The following RFX4 variants were observed in gnomAD, a reference collection of about 807,000 sequenced individuals.
RFX4 encodes transcription factor RFX4.
A neutral mutation model predicts 95.0 loss-of-function variants in RFX4; 10 were observed. That is an observed-to-expected ratio of 0.11 (90% CI 0.06 to 0.18). The LOEUF (loss-of-function observed/expected upper bound fraction) is 0.18. RFX4 is among the 10% of genes least tolerant of loss of function. RFX4 has a pLI of 1.00. For synonymous variants in RFX4, 321 were observed against 340.7 expected, an observed-to-expected ratio of 0.94 and a Z score of 0.64; for missense variants, 640 against 922.0, an observed-to-expected ratio of 0.69 and a Z score of 3.96.
chr12:106,695,633 C>T (rs919913114), intron 7 of RFX4, among the ~76,000 whole-genome samples: 5 of 152,202 alleles, frequency 3.3e-5, no homozygotes, highest in East Asian at 3.8e-4. Context: ...CAGTCACACA[C>T]ACTTCATGTG....
intron 3 of RFX4, among the ~76,000 whole-genome samples, chr12:106,651,835 A>T (rs1408144937): frequency 6.6e-6 from 1 of 152,136 alleles, no homozygotes; most frequent in Non-Finnish European, 1.5e-5. Context: ...AGAAATCCAG[A>T]TTCTTATGTG....
chr12:106,684,186 G>C (rs1443664934), intron 5 of RFX4, among the ~76,000 whole-genome samples: 1 of 152,116 alleles, frequency 6.6e-6, no homozygotes, highest in East Asian at 1.9e-4. Context: ...GGCCAACATG[G>C]TGAAACCCCA....
At chr12:106,683,281 T>C (rs1197296156) in intron 5 of RFX4, 2 of 151,726 alleles carry the variant, frequency 1.3e-5, no homozygotes, top group Admixed American at 6.6e-5. Context: ...GGAGCCAAGG[T>C]AGGGAAAGAA....
intron 13 of RFX4, among the ~76,000 whole-genome samples, chr12:106,727,587 G>A (rs2042526486): frequency 6.6e-6 from 1 of 150,938 alleles, no homozygotes; most frequent in Non-Finnish European, 1.5e-5. Context: ...CAAACTAATA[G>A]AACCAATGAG....
rs943957649 is a variant in RFX4, at chr12:106,586,257, G to C, written c.43+2894G>C. 6.6e-6 allele frequency among the ~76,000 whole-genome samples: 1 copy of C among 152,056 alleles called. No homozygotes were observed. The highest frequency in any genetic ancestry group is 1.5e-5 in the Non-Finnish European group (1 of 67,962). Reference sequence around the variant, plus strand: ...GTAAGCGCAGGCGCGCGTCCCGCTCGGCCCGCGCTACAGCCCCACGCCGCG... The same window carrying C: ...GTAAGCGCAGGCGCGCGTCCCGCTCCGCCCGCGCTACAGCCCCACGCCGCG... On this transcript the variant is annotated intron_variant, in intron 1 of 17. Transcript: ENST00000392842. The surrounding 1 kb of genome is among the most constrained non-coding windows in gnomAD (Gnocchi z 5.6).
At chr12:106,648,085 T>G (rs1030851908) in intron 3 of RFX4, among the ~76,000 whole-genome samples, 3 of 152,190 alleles carry the variant, frequency 2.0e-5, no homozygotes, top group Non-Finnish European at 4.4e-5. Context: ...GCAGCTGGCA[T>G]TTAGACCACT....
intron 4 of RFX4, among the ~76,000 whole-genome samples, chr12:106,681,543 T>TA (rs2041514225): frequency 6.6e-6 from 1 of 152,058 alleles, no homozygotes; most frequent in Non-Finnish European, 1.5e-5. Flanking sequence ...TGTGTTTCAG[T>TA]AATAGAGAAA....
intron 2 of RFX4, among the ~76,000 whole-genome samples, chr12:106,630,221 T>C (rs866941538): frequency 6.6e-6 from 1 of 152,214 alleles, no homozygotes; most frequent in Non-Finnish European, 1.5e-5. Context: ...TCATTATCTT[T>C]GTACTCATGT....
intron 2 of RFX4, among the ~76,000 whole-genome samples, chr12:106,616,176 T>G (rs1465598473): frequency 6.6e-6 from 1 of 152,238 alleles, no homozygotes; most frequent in South Asian, 2.1e-4. Flanking sequence ...AAATGGGTGT[T>G]GAATTTTATC....
intron 3 of RFX4, among the ~76,000 whole-genome samples, chr12:106,653,720 G>A (rs2040900138): frequency 6.6e-6 from 1 of 152,180 alleles, no homozygotes; most frequent in Non-Finnish European, 1.5e-5. Context: ...ATCAGTGTCT[G>A]TACAGCTATA....
rs565887252 is a variant in RFX4 at position 106,596,136 on chromosome 12, C to G, written c.44-12661C>G. Among the ~76,000 whole-genome samples, 26 of 152,160 alleles carry G rather than the reference C, an allele frequency of 1.7e-4. No individual in the cohort carries two copies. The East Asian group carries it at 4.8e-3, about 28-fold the overall frequency. ...TATGGTTTGGCTCTGTGTGCCCACCCAAATCTCATCTTGTAGCTCCCATAA... is the reference window on the plus strand; with the variant it reads ...TATGGTTTGGCTCTGTGTGCCCACCGAAATCTCATCTTGTAGCTCCCATAA... On this transcript the variant is annotated intron_variant, in intron 1 of 17. Coordinates refer to ENST00000392842, the MANE Select transcript of RFX4 (RefSeq NM_213594.3).
intron 13 of RFX4, among the ~76,000 whole-genome samples, chr12:106,729,118 A>G (rs10861654): frequency 0.36 from 55,136 of 151,998 alleles, 10,067 homozygotes; most frequent in South Asian, 0.4. Context: ...AAAACAAGAG[A>G]ATGGTATAAA....
At chr12:106,651,047 A>G (rs1223909766) in intron 3 of RFX4, among the ~76,000 whole-genome samples, 1 of 152,280 alleles carries the variant, frequency 6.6e-6, no homozygotes, top group African/African-American at 2.4e-5. Context: ...AGTGGGTGCT[A>G]AATTCTTAAG....
intron 4 of RFX4, among the ~76,000 whole-genome samples, chr12:106,659,018 T>A (rs2041018744): frequency 6.6e-6 from 1 of 152,242 alleles, no homozygotes; most frequent in African/African-American, 2.4e-5. Context: ...ATAGCTTTGC[T>A]TTGTTCCAAG....
chr12:106,706,380 G>A (rs1275222606), intron 8 of RFX4, among the ~76,000 whole-genome samples: 1 of 152,220 alleles, frequency 6.6e-6, no homozygotes, highest in Non-Finnish European at 1.5e-5. Context: ...AGGTGGGAGG[G>A]TGAGCAGGGC....
chr12:106,758,359 A>C (rs1028614199), intron 17 of RFX4, among the ~76,000 whole-genome samples: 3 of 152,274 alleles, frequency 2.0e-5, no homozygotes, highest in African/African-American at 7.2e-5. Context: ...CTAACGGGAC[A>C]GAATTTTCCA....
intron 13 of RFX4, among the ~76,000 whole-genome samples, chr12:106,728,146 T>C (rs1159799761): frequency 6.6e-6 from 1 of 152,076 alleles, no homozygotes; most frequent in Non-Finnish European, 1.5e-5. Context: ...GCTTTGATTC[T>C]ACCAAATGCA....
intron 9 of RFX4, among the ~76,000 whole-genome samples, chr12:106,709,935 A>G (rs932760642): frequency 7.9e-5 from 12 of 152,222 alleles, no homozygotes; most frequent in Admixed American, 7.9e-4. Context: ...GAGAGAGAAT[A>G]GCTTAAGGGC....
chr12:106,744,563 C>T (rs555500928), intron 15 of RFX4, among the ~76,000 whole-genome samples: 2 of 152,290 alleles, frequency 1.3e-5, no homozygotes, highest in South Asian at 2.1e-4. Flanking sequence ...GTGCCAAACT[C>T]TCTGACATAT....
Sources: gnomAD v4.1 joint callset for allele counts (sites outside exome capture counted in the v4.1 genomes callset) on GRCh38, gnomAD v4.1.1 for gene constraint, Gnocchi (gnomAD v3.1) non-coding constraint, MANE v1.5 for transcripts, NCBI Gene and HGNC (gene_info 2026-07-23, HGNC 2026-07-21) for gene names.